The following MSRA variants were observed in gnomAD, a reference collection of about 807,000 sequenced individuals.
MSRA encodes the protein methionine sulfoxide reductase A, also known as mitochondrial peptide methionine sulfoxide reductase.
MSRA carries 54 observed loss-of-function variants against 31.3 expected under a neutral mutation model. The observed-to-expected ratio is 1.73, with a 90% CI of 1.39 to 2.17. The LOEUF (loss-of-function observed/expected upper bound fraction) is 2.17, where lower values mean the gene tolerates loss of function less well. Among genes scored for constraint, MSRA ranks in the 30% most tolerant of loss-of-function variants. MSRA has a pLI of 0.00. For synonymous variants in MSRA, 169 were observed against 116.5 expected (o/e 1.45, Z -2.90); for missense variants, 507 against 300.9 (o/e 1.69, Z -5.07).
Position 10,100,010 on chromosome 8 carries a change from TGGTGA to T in MSRA, c.142+45355_142+45359del, listed in dbSNP as rs371076628. Among the ~76,000 whole-genome samples, 29 of 152,164 alleles carry T rather than the reference TGGTGA, an allele frequency of 1.9e-4. 1 individual carries two copies. Among genetic ancestry groups the T allele is most frequent in the African/African-American group, 7.0e-4 (29 of 41,518 alleles). On this transcript the variant is annotated intron_variant, in intron 1 of 5. Transcript: ENST00000317173. ...GCAGAGGGGATGGAGACAGAGAAGG[TGGTGA>T]GGGCAGTTGTGCAGAGTTGAGGGCG...
At chr8:10,377,225 C>T (rs1233353736) in intron 5 of MSRA, among the ~76,000 whole-genome samples, 1 of 152,276 alleles carries the variant, frequency 6.6e-6, no homozygotes, top group Non-Finnish European at 1.5e-5. Context: ...GCCAGTTCAC[C>T]TGCGTGGCTT....
chr8:10,398,931 C>T (rs944927701), intron 5 of MSRA, among the ~76,000 whole-genome samples: 4 of 152,176 alleles, frequency 2.6e-5, no homozygotes, highest in Non-Finnish European at 4.4e-5. Flanking sequence ...GCAGAAGCCC[C>T]TATCGAGAGA....
chr8:10,337,422 A>C (rs189429690), intron 5 of MSRA: 80 of 325,942 alleles, frequency 2.5e-4, no homozygotes, highest in Admixed American at 1.2e-3. Context: ...CTCGTGATCC[A>C]CCAGCCTCGG....
chr8:10,256,401 T>G (rs563715870), intron 3 of MSRA, among the ~76,000 whole-genome samples: 1 of 152,346 alleles, frequency 6.6e-6, no homozygotes, highest in East Asian at 1.9e-4. Context: ...TCTCCAAGTT[T>G]TGACAATTAC....
At chr8:10,184,336 C>G (rs1046993766) in intron 1 of MSRA, among the ~76,000 whole-genome samples, 7 of 151,862 alleles carry the variant, frequency 4.6e-5, no homozygotes, top group Admixed American at 4.6e-4. Context: ...TAAGCCCCAC[C>G]TTAGACACTA....
intron 5 of MSRA, among the ~76,000 whole-genome samples, chr8:10,426,092 C>A (rs3750311): frequency 0.38 from 58,322 of 152,046 alleles, 12,869 homozygotes; most frequent in Non-Finnish European, 0.51. Flanking sequence ...CAGGCAAATG[C>A]TAGCGATGGT....
intron 1 of MSRA, among the ~76,000 whole-genome samples, chr8:10,117,932 C>T (rs916497276): frequency 1.3e-5 from 2 of 152,178 alleles, no homozygotes; most frequent in African/African-American, 2.4e-5. Flanking sequence ...TCATCTTGAT[C>T]AGGAGATGCT....
intron 5 of MSRA, among the ~76,000 whole-genome samples, chr8:10,386,329 C>G (rs1046747548): frequency 2.0e-5 from 3 of 152,100 alleles, no homozygotes; most frequent in African/African-American, 7.2e-5. Flanking sequence ...ATAATTTTCT[C>G]TGATCAGACG....
intron 1 of MSRA, among the ~76,000 whole-genome samples, chr8:10,131,343 A>G (rs1254105247): frequency 6.6e-6 from 1 of 152,276 alleles, no homozygotes; most frequent in Non-Finnish European, 1.5e-5. Context: ...AGAAAGCTAC[A>G]TAGACAAAAG....
intron 1 of MSRA, among the ~76,000 whole-genome samples, chr8:10,071,080 A>C (rs930867614): frequency 6.6e-6 from 1 of 152,208 alleles, no homozygotes; most frequent in African/African-American, 2.4e-5. Flanking sequence ...GAAACTGCCA[A>C]ACTGTTTCCC....
chr8:10,400,947 T>C (rs893638750), intron 5 of MSRA, among the ~76,000 whole-genome samples: 4 of 152,202 alleles, frequency 2.6e-5, no homozygotes, highest in Admixed American at 6.5e-5. Flanking sequence ...GAGGAAAGTC[T>C]TCACTGGATT....
intron 5 of MSRA, among the ~76,000 whole-genome samples, chr8:10,357,085 G>C (rs535713694): frequency 6.6e-6 from 1 of 152,074 alleles, no homozygotes; most frequent in African/African-American, 2.4e-5. Context: ...CCAGACCCAA[G>C]TCTATCTCTT....
intron 1 of MSRA, among the ~76,000 whole-genome samples, chr8:10,187,631 T>C (rs1370774827): frequency 6.6e-6 from 1 of 152,238 alleles, no homozygotes; most frequent in Non-Finnish European, 1.5e-5. Flanking sequence ...AAGGCATGAC[T>C]TCCTGGTTTG....
chr8:10,416,886 C>A (rs1808493280), intron 5 of MSRA, among the ~76,000 whole-genome samples: 1 of 152,244 alleles, frequency 6.6e-6, no homozygotes, highest in Admixed American at 6.5e-5. Context: ...TGCAGAGACA[C>A]AACTCAGCTT....
intron 5 of MSRA, among the ~76,000 whole-genome samples, chr8:10,427,825 C>T (rs927113121): frequency 4.6e-5 from 7 of 152,192 alleles, no homozygotes; most frequent in African/African-American, 1.7e-4. Flanking sequence ...GCTTTGGGGC[C>T]AGTTTCAAAC....
At chr8:10,423,860 G>A (rs1438896229) in intron 5 of MSRA, among the ~76,000 whole-genome samples, 1 of 152,228 alleles carries the variant, frequency 6.6e-6, no homozygotes, top group Admixed American at 6.5e-5. Flanking sequence ...GTGGAATCCA[G>A]AAGCAGAGAG....
intron 2 of MSRA, among the ~76,000 whole-genome samples, chr8:10,217,939 CTATT>C (rs1316604684): frequency 6.6e-6 from 1 of 151,942 alleles, no homozygotes; most frequent in African/African-American, 2.4e-5. Context: ...CTTTCCCTTG[CTATT>C]TATTTAAGAA....
intron 5 of MSRA, among the ~76,000 whole-genome samples, chr8:10,340,274 C>T (rs1803340821): frequency 6.6e-6 from 1 of 152,032 alleles, no homozygotes; most frequent in Admixed American, 6.6e-5. Flanking sequence ...TGGGTTAATA[C>T]CACCAGGGTA....
intron 3 of MSRA, among the ~76,000 whole-genome samples, chr8:10,296,816 T>A (rs557406822): frequency 6.6e-6 from 1 of 152,204 alleles, no homozygotes; most frequent in South Asian, 2.1e-4. Flanking sequence ...CCCGCCAAGG[T>A]CATGCACCTG....
Sources: gnomAD v4.1 joint callset for allele counts (sites outside exome capture counted in the v4.1 genomes callset) on GRCh38, gnomAD v4.1.1 for gene constraint, MANE v1.5 for transcripts, NCBI Gene and HGNC (gene_info 2026-07-23, HGNC 2026-07-21) for gene names.